Variants in GRID2 observed in about 807,000 individuals in gnomAD.
GRID2 encodes glutamate receptor ionotropic, delta-2.
In GRID2, 33 loss-of-function variants were observed where a neutral mutation model predicts 114.8. The observed-to-expected ratio is 0.29, with a 90% CI of 0.22 to 0.38. GRID2 has a LOEUF of 0.38. Among genes scored for constraint, GRID2 ranks in the 10% least tolerant of loss-of-function variants. The probability of loss-of-function intolerance (pLI) is 1.00; values close to 1 mark genes in which losing one functional copy is unlikely to be tolerated. For missense variants in GRID2, 1,184 were observed against 1,257.7 expected, an observed-to-expected ratio of 0.94 and a Z score of 0.89; for synonymous variants, 505 against 449.9, an observed-to-expected ratio of 1.12 and a Z score of -1.55.
intron 2 of GRID2, among the ~76,000 whole-genome samples, chr4:92,816,601 A>C (rs1740933365): frequency 6.6e-6 from 1 of 152,072 alleles, no homozygotes; most frequent in African/African-American, 2.4e-5. Flanking sequence ...AAAAATTACA[A>C]ATATCTTAAG....
At chr4:93,693,314 A>C (rs1330482697) in intron 14 of GRID2, among the ~76,000 whole-genome samples, 1 of 152,160 alleles carries the variant, frequency 6.6e-6, no homozygotes, top group Non-Finnish European at 1.5e-5. Flanking sequence ...CATTTGTTTG[A>C]CAACTTTGAC....
At chr4:92,958,979 T>C (rs993651622) in intron 2 of GRID2, among the ~76,000 whole-genome samples, 1 of 151,890 alleles carries the variant, frequency 6.6e-6, no homozygotes, top group East Asian at 1.9e-4. Flanking sequence ...TATTCCTTTA[T>C]TATCATTTGC....
At chr4:93,786,432 G>C (rs1168343130) in intron 1 of GRID2, among the ~76,000 whole-genome samples, 1 of 152,194 alleles carries the variant, frequency 6.6e-6, no homozygotes, top group African/African-American at 2.4e-5. Context: ...GGAGCCAGTA[G>C]AGGGCAAAGC....
At chr4:92,620,446 A>G (rs1223513945) in intron 2 of GRID2, among the ~76,000 whole-genome samples, 1 of 151,798 alleles carries the variant, frequency 6.6e-6, no homozygotes, top group Non-Finnish European at 1.5e-5. Context: ...AAGGACTTGA[A>G]TAACTTATTA....
At chr4:92,375,117 CT>C (rs959932003) in intron 1 of GRID2, among the ~76,000 whole-genome samples, 1 of 152,056 alleles carries the variant, frequency 6.6e-6, no homozygotes, top group African/African-American at 2.4e-5. Context: ...GCAAGTTTTC[CT>C]TTAATATTTT....
Position 93,769,325 on chromosome 4 carries a change from C to T in GRID2, c.2476C>T (p.Leu826=), listed in dbSNP as rs1733931726. ...GGACACAAAGCAGAAAGGAGGCGCC[C>T]TGGACATAAAGAGCTTTGCAGGGGT... ...SVDTKQKGGA[L]DIKSFAGVFC... Residue 826 remains leucine (L), a synonymous_variant, in exon 15 of 16, where the codon CTG becomes TTG. Transcript: ENST00000282020. 1.2e-6 allele frequency: 2 copies of T among 1,614,002 alleles called. No homozygotes were observed. The highest frequency in any genetic ancestry group is 2.2e-5 in the East Asian group (1 of 44,888).
intron 1 of GRID2, among the ~76,000 whole-genome samples, chr4:92,459,206 G>A (rs1721358938): frequency 6.6e-6 from 1 of 152,096 alleles, no homozygotes; most frequent in Non-Finnish European, 1.5e-5. Flanking sequence ...TCATTGTGAT[G>A]CAAGTATAAA....
At chr4:93,206,591 T>TACACACACACACACACACACAC (rs5860312) in intron 4 of GRID2, among the ~76,000 whole-genome samples, 4 of 142,960 alleles carry the variant, frequency 2.8e-5, no homozygotes, top group African/African-American at 1.0e-4. Context: ...CTGCCCCTAC[T>TACACACACACACACACACACAC]ACACACACAC....
chr4:92,652,751 G>C (rs888883701), intron 2 of GRID2, among the ~76,000 whole-genome samples: 10 of 141,256 alleles, frequency 7.1e-5, no homozygotes, highest in Admixed American at 2.2e-4. Flanking sequence ...GGGTTGGGGG[G>C]TGGATCACAA....
chr4:92,690,309 G>A (rs1473994156), intron 2 of GRID2, among the ~76,000 whole-genome samples: 1 of 152,118 alleles, frequency 6.6e-6, no homozygotes, highest in African/African-American at 2.4e-5. Context: ...AAGTGATAGA[G>A]AAGTCTGAGG....
At chr4:92,698,728 T>A (rs981907471) in intron 2 of GRID2, among the ~76,000 whole-genome samples, 4 of 152,014 alleles carry the variant, frequency 2.6e-5, no homozygotes, top group Non-Finnish European at 5.9e-5. Flanking sequence ...CAATTGCCTA[T>A]TTTAAAATGT....
intron 2 of GRID2, among the ~76,000 whole-genome samples, chr4:92,942,355 G>C (rs1751220526): frequency 6.6e-6 from 1 of 152,076 alleles, no homozygotes; most frequent in Admixed American, 6.6e-5. Context: ...ATATTTGTTG[G>C]TTTAAAGTCT....
At chr4:93,626,087 G>A (rs1742703736) in intron 13 of GRID2, among the ~76,000 whole-genome samples, 182 bp from the exon 14 acceptor site, 1 of 152,062 alleles carries the variant, frequency 6.6e-6, no homozygotes, top group South Asian at 2.1e-4. Context: ...GAGCATCCCT[G>A]GATTTTGGTA....
intron 2 of GRID2, among the ~76,000 whole-genome samples, chr4:93,028,091 A>C (rs984009784): frequency 2.0e-5 from 3 of 152,122 alleles, no homozygotes; most frequent in African/African-American, 7.2e-5. Context: ...TTCAACAAAT[A>C]CTCATTTTGT....
chr4:92,964,139 C>T (rs186820045), intron 2 of GRID2, among the ~76,000 whole-genome samples: 1 of 151,932 alleles, frequency 6.6e-6, no homozygotes, highest in South Asian at 2.1e-4. Flanking sequence ...TTCTTAAGAG[C>T]TCTAGGATTT....
intron 1 of GRID2, among the ~76,000 whole-genome samples, chr4:92,510,309 G>A (rs1724182282): frequency 6.6e-6 from 1 of 151,848 alleles, no homozygotes; most frequent in African/African-American, 2.4e-5. Flanking sequence ...AAATCAATGA[G>A]GAAGATGAGG....
intron 2 of GRID2, among the ~76,000 whole-genome samples, chr4:92,615,538 A>G (rs767744089): frequency 1.6e-4 from 25 of 151,668 alleles, no homozygotes; most frequent in Admixed American, 1.5e-3. Flanking sequence ...TACAGACAGC[A>G]TAAGATTAGA....
intron 4 of GRID2, among the ~76,000 whole-genome samples, chr4:93,153,909 T>A (rs1736945078): frequency 6.6e-6 from 1 of 152,124 alleles, no homozygotes; most frequent in Non-Finnish European, 1.5e-5. Context: ...TACAATATAG[T>A]ATTATTATCC....
intron 2 of GRID2, among the ~76,000 whole-genome samples, chr4:92,875,148 G>A (rs1477404325): frequency 4.5e-5 from 6 of 133,122 alleles, no homozygotes; most frequent in Non-Finnish European, 6.3e-5. Flanking sequence ...TAACTCAAAA[G>A]GTTTTTTTTT....
Sources: gnomAD v4.1 joint callset for allele counts (sites outside exome capture counted in the v4.1 genomes callset) on GRCh38, gnomAD v4.1.1 for gene constraint, MANE v1.5 for transcripts, NCBI Gene and HGNC (gene_info 2026-07-23, HGNC 2026-07-21) for gene names.